Variants in HMCN1 observed in about 807,000 individuals in gnomAD.
HMCN1 encodes hemicentin 1.
In HMCN1, 321 loss-of-function variants were observed where a neutral mutation model predicts 625.9. The ratio of observed to expected loss-of-function variants is 0.51; its 90% CI spans 0.47 to 0.56. HMCN1 has a LOEUF of 0.56. Ranked by LOEUF, HMCN1 falls within the 20% of genes least tolerant of loss-of-function variation. HMCN1 has a pLI of 0.00. For synonymous variants in HMCN1, 2,425 were observed against 2,417.6 expected (o/e 1.00, Z -0.09); for missense variants, 6,588 against 6,887.3 (o/e 0.96, Z 1.54).
intron 71 of HMCN1, among the ~76,000 whole-genome samples, chr1:186,109,981 AG>A (rs537995926): frequency 1.9e-3 from 288 of 152,314 alleles, no homozygotes; most frequent in African/African-American, 6.6e-3. Context: ...GGAGGAGTCT[AG>A]GTTGATCCCA....
chr1:185,961,480 A>G (rs1299264947), intron 11 of HMCN1, among the ~76,000 whole-genome samples: 1 of 152,216 alleles, frequency 6.6e-6, no homozygotes, highest in Non-Finnish European at 1.5e-5. Flanking sequence ...ATGTCATTGA[A>G]TGAATTTATT....
At position 185,923,504 on chromosome 1, in the gene HMCN1, A is replaced by G. The variant is rs1311567045; in HGVS notation, c.1136A>G (p.Tyr379Cys). The change falls in exon 8 of 107, where the codon TAT becomes TGT. Residue 379 changes from tyrosine to cysteine, a missense_variant. Transcript: ENST00000271588. Reference sequence around the variant, plus strand: ...TCTCTTAAGACTATTCCTGTTAAATATTACCCACATCGAAAACCTTATGGC... The same window carrying G: ...TCTCTTAAGACTATTCCTGTTAAATGTTACCCACATCGAAAACCTTATGGC... ...GSSLKTIPVK[Y>C]YPHRKPYGIW... is the part of the protein sequence containing the mutation. 4 of 1,612,322 alleles carry G rather than the reference A, an allele frequency of 2.5e-6. No individual in the cohort carries two copies. In the South Asian group the frequency reaches 4.4e-5, roughly 18 times the overall value.
chr1:185,751,952 G>A (rs924523062), intron 1 of HMCN1, among the ~76,000 whole-genome samples: 1 of 151,894 alleles, frequency 6.6e-6, no homozygotes, highest in East Asian at 1.9e-4. Flanking sequence ...TTGGTCTGCT[G>A]ACTGTCTGTC....
chr1:186,017,585 G>A (rs754202234), intron 33 of HMCN1, among the ~76,000 whole-genome samples: 7 of 151,914 alleles, frequency 4.6e-5, no homozygotes, highest in Non-Finnish European at 1.0e-4. Context: ...GTCAGTGAAG[G>A]AAATGAGATA....
At chr1:185,939,676 A>T (rs1018329919) in intron 11 of HMCN1, among the ~76,000 whole-genome samples, 5 of 152,150 alleles carry the variant, frequency 3.3e-5, no homozygotes, top group Admixed American at 2.0e-4. Flanking sequence ...TGCTCATGTT[A>T]ATTTTATTAG....
chr1:185,739,872 C>T (rs1242851453), intron 1 of HMCN1, among the ~76,000 whole-genome samples: 6 of 151,914 alleles, frequency 3.9e-5, no homozygotes, highest in East Asian at 1.9e-4. Flanking sequence ...ATTTTAAATT[C>T]GGTCATTAGG....
chr1:186,106,763 A>G, intron 69 of HMCN1, 121 bp from the exon 70 acceptor site: 1 of 759,584 alleles, frequency 1.3e-6, no homozygotes, highest in South Asian at 1.4e-5. Context: ...AGTGTTAAAC[A>G]GTTGGCTTTA....
At chr1:185,804,701 C>A (rs1385076618) in intron 1 of HMCN1, among the ~76,000 whole-genome samples, 1 of 152,098 alleles carries the variant, frequency 6.6e-6, no homozygotes, top group Admixed American at 6.6e-5. Flanking sequence ...GTTTTTCACA[C>A]CTTTAGGACA....
chr1:186,073,911 G>A (rs1658627434), intron 52 of HMCN1, among the ~76,000 whole-genome samples: 1 of 152,040 alleles, frequency 6.6e-6, no homozygotes, highest in Admixed American at 6.6e-5. Flanking sequence ...TAAGGTCTAG[G>A]TATGACTCCT....
intron 4 of HMCN1, among the ~76,000 whole-genome samples, chr1:185,900,507 A>G (rs1665742037): frequency 6.6e-6 from 1 of 151,924 alleles, no homozygotes; most frequent in Non-Finnish European, 1.5e-5. Context: ...TACCATCTCT[A>G]TAAAGTATTT....
At chr1:186,045,012 T>A (rs1656470063) in intron 40 of HMCN1, among the ~76,000 whole-genome samples, 1 of 152,190 alleles carries the variant, frequency 6.6e-6, no homozygotes, top group South Asian at 2.1e-4. Flanking sequence ...CTCATTAAAA[T>A]TTCTACTCAT....
rs763433363 is a variant in HMCN1, at chr1:186,108,529, T to C, written c.10921T>C (p.Leu3641=). The C allele has an allele frequency of 2.5e-6, 4 of 1,614,122 alleles. No homozygotes were observed. The highest frequency in any genetic ancestry group is 3.4e-6 in the Non-Finnish European group (4 of 1,180,012). ...ITVLRNRQVT[L]ECKSDAVPPP... is the part of the protein sequence containing the mutation. ...TGTGTTACGGAACAGACAAGTGACA[T>C]TGGAATGCAAGTCAGATGCAGTGCC... Residue 3641 remains leucine, a synonymous_variant, in exon 71 of 107, where the codon TTG becomes CTG. Coordinates refer to ENST00000271588, the MANE Select transcript of HMCN1 (RefSeq NM_031935.3).
At chr1:185,907,489 T>C (rs1339508818) in intron 4 of HMCN1, among the ~76,000 whole-genome samples, 1 of 151,938 alleles carries the variant, frequency 6.6e-6, no homozygotes, top group Non-Finnish European at 1.5e-5. Context: ...CTCATCTTCT[T>C]CTTTTTTATC....
In HMCN1 at chr1:186,081,364, TA is replaced by T; in HGVS notation, c.8760del (p.Lys2920AsnfsTer12). Reference protein sequence around the residue: ...GQPLLEDDHHKFLSNGRILQI... With the variant: ...GQPLLEDDHHXFLSNGRILQI... ...AGCCCTTGCTAGAAGATGACCATCATAAATTTCTATCTAATGGACGAATTCT... is the reference window on the plus strand; with the variant it reads ...AGCCCTTGCTAGAAGATGACCATCATAATTTCTATCTAATGGACGAATTCT... On this transcript the variant is annotated frameshift_variant, in exon 56 of 107. Coordinates refer to ENST00000271588, the MANE Select transcript of HMCN1 (RefSeq NM_031935.3). LOFTEE classifies it high-confidence loss of function. 6.2e-7 allele frequency: 1 copy of T among 1,613,590 alleles called. No homozygotes were observed. Among genetic ancestry groups the T allele is most frequent in the Non-Finnish European group, 8.5e-7 (1 of 1,179,662 alleles).
chr1:185,786,770 A>T (rs1027717736), intron 1 of HMCN1, among the ~76,000 whole-genome samples: 1 of 152,150 alleles, frequency 6.6e-6, no homozygotes, highest in African/African-American at 2.4e-5. Flanking sequence ...AAACTGTTGC[A>T]TTTTCCCCAG....
At chr1:186,087,405 A>G (rs1470574082) in intron 59 of HMCN1, 38 bp from the exon 60 acceptor site, 1 of 1,607,788 alleles carries the variant, frequency 6.2e-7, no homozygotes, top group Non-Finnish European at 8.5e-7. Context: ...GAGCACCTTA[A>G]TGAAAAAGAA....
intron 13 of HMCN1, among the ~76,000 whole-genome samples, chr1:185,965,116 T>C (rs1456137131): frequency 1.3e-5 from 2 of 152,078 alleles, no homozygotes; most frequent in African/African-American, 4.8e-5. Flanking sequence ...TCCTAAAATA[T>C]CTCGTTAAGA....
At chr1:185,810,157 G>A (rs75563513) in intron 1 of HMCN1, among the ~76,000 whole-genome samples, 5,787 of 152,136 alleles carry the variant, frequency 0.038, 321 homozygotes, top group African/African-American at 0.13. Flanking sequence ...TAAATAGAAC[G>A]AGGAGGAGAC....
At chr1:186,153,022 A>G in intron 96 of HMCN1, 151 bp downstream of exon 96, 2 of 1,111,552 alleles carry the variant, frequency 1.8e-6, no homozygotes, top group East Asian at 2.5e-5. Context: ...TTGTTTAAAA[A>G]TCTTCAGGGA....
Sources: gnomAD v4.1 joint callset for allele counts (sites outside exome capture counted in the v4.1 genomes callset) on GRCh38, gnomAD v4.1.1 for gene constraint, MANE v1.5 for transcripts, NCBI Gene and HGNC (gene_info 2026-07-23, HGNC 2026-07-21) for gene names.